Variants in TRIP12 observed in about 807,000 individuals in gnomAD.
The protein encoded by TRIP12 is thyroid hormone receptor interactor 12.
Under a neutral mutation model 244.2 loss-of-function variants are expected in TRIP12, and 25 were observed. That is an observed-to-expected ratio of 0.10 (90% confidence interval 0.07 to 0.14). The LOEUF (loss-of-function observed/expected upper bound fraction) is 0.14, where lower values mean the gene tolerates loss of function less well. TRIP12 is among the 10% of genes least tolerant of loss of function. The pLI, the probability that TRIP12 is intolerant of heterozygous loss-of-function variation, is 1.00. For missense variants in TRIP12, 1,677 were observed against 2,486.4 expected (o/e 0.67, Z 6.92); for synonymous variants, 905 against 873.1 (o/e 1.04, Z -0.64).
At chr2:229,882,727 C>T (rs2065137055) in intron 1 of TRIP12, among the ~76,000 whole-genome samples, 1 of 152,196 alleles carries the variant, frequency 6.6e-6, no homozygotes, top group African/African-American at 2.4e-5. Context: ...CCACCTTCTG[C>T]TATTAAACGC....
rs180905245 is a variant in TRIP12, at chr2:229,835,791, C to A, written c.1270+1057G>T. ...TTTCCACATTCAGGCTTCAAATAAA[C>A]ATTAGAAGACTGGGAAGGAGCGTAC... On this transcript the variant is annotated intron_variant, in intron 6 of 41. Coordinates refer to ENST00000675903, the MANE Select transcript of TRIP12 (RefSeq NM_001348323.3). Among the ~76,000 whole-genome samples the A allele has an allele frequency of 4.6e-4, 70 of 152,282 alleles. 1 individual carries two copies. The East Asian group carries it at 0.013, about 29-fold the overall frequency.
chr2:229,853,900 AACT>A (rs2059159999), intron 4 of TRIP12, among the ~76,000 whole-genome samples: 1 of 152,206 alleles, frequency 6.6e-6, no homozygotes, highest in South Asian at 2.1e-4. Flanking sequence ...AACCTCGCCA[AACT>A]ATGAGGAGAT....
intron 6 of TRIP12, among the ~76,000 whole-genome samples, chr2:229,833,200 C>A (rs1171546235): frequency 1.3e-5 from 2 of 152,208 alleles, no homozygotes; most frequent in African/African-American, 4.8e-5. Context: ...TTAATCAAAA[C>A]ATAAAACCTA....
At chr2:229,780,984 A>C (rs150413420) in intron 34 of TRIP12, among the ~76,000 whole-genome samples, 4 of 152,370 alleles carry the variant, frequency 2.6e-5, no homozygotes, top group African/African-American at 9.6e-5. Context: ...TCCTTTTGGC[A>C]TAACATTATC....
chr2:229,846,932 G>A lies in TRIP12; in HGVS notation c.1028-6005C>T, dbSNP rs962112672. Among the ~76,000 whole-genome samples, 20 of 152,220 alleles carry A rather than the reference G, an allele frequency of 1.3e-4. 1 individual carries two copies. Among genetic ancestry groups the A allele is most frequent in the Admixed American group, 8.5e-4 (13 of 15,284 alleles). ...ATGAGGAGAAACTAGAAAGGAGCTA[G>A]ATGCCCAATAACAGGGAATAGTTAA... On this transcript the variant is annotated intron_variant, in intron 4 of 41. Transcript: ENST00000675903.
rs758560253 is a variant in TRIP12, at chr2:229,788,848, T to C, written c.4788A>G (p.Val1596=). The stretch of plus-strand genomic sequence containing the variant: ...ATGTTGGGATGTTTCCTGTCATGAT[T>C]ACTAAAGGATCTTGAAGTTGCCTAT... ...KANRQLQDPL[V]IMTGNIPTWL... Residue 1596 remains valine (V), a synonymous_variant, in exon 32 of 42, where the codon GTA becomes GTG. Transcript: ENST00000675903. 1.9e-6 allele frequency: 3 copies of C among 1,614,108 alleles called. No individual in the cohort carries two copies. The South Asian group carries it at 3.3e-5, about 18-fold the overall frequency.
chr2:229,775,019 GACA>G (rs1407693145), intron 37 of TRIP12, among the ~76,000 whole-genome samples: 3 of 152,060 alleles, frequency 2.0e-5, no homozygotes, highest in African/African-American at 7.2e-5. Flanking sequence ...TAAAACTGAA[GACA>G]ACAAGTTAGG....
chr2:229,886,272 A>G (rs567368553), intron 1 of TRIP12, among the ~76,000 whole-genome samples: 41 of 152,310 alleles, frequency 2.7e-4, no homozygotes, highest in African/African-American at 9.9e-4. Flanking sequence ...TCACGTTTGA[A>G]TTAAGGGCAA....
chr2:229,903,145 T>C (rs2071564732), intron 1 of TRIP12, among the ~76,000 whole-genome samples: 1 of 151,534 alleles, frequency 6.6e-6, no homozygotes, highest in African/African-American at 2.4e-5. Flanking sequence ...AACACAACAG[T>C]ATCTTTTCTT....
Position 229,818,361 on chromosome 2 carries a change from T to C in TRIP12, c.1599+3A>G. ...AAAAACGAGGGAAAAACATTATGCTTACCAAAGCTGGAACAACACTCTTGA... is the reference window on the plus strand; with the variant it reads ...AAAAACGAGGGAAAAACATTATGCTCACCAAAGCTGGAACAACACTCTTGA... On this transcript the variant is annotated splice_donor_region_variant and intron_variant, in intron 9 of 41. Transcript: ENST00000675903. The C allele has an allele frequency of 6.2e-7, 1 of 1,613,410 alleles. No individual in the cohort carries two copies.
chr2:229,818,320 A>G, intron 9 of TRIP12, 44 bp downstream of exon 9: 1 of 1,596,874 alleles, frequency 6.3e-7, no homozygotes, highest in Non-Finnish European at 8.5e-7. Flanking sequence ...GGCAGATTTC[A>G]GAGGACAAAT....
intron 1 of TRIP12, among the ~76,000 whole-genome samples, chr2:229,880,773 G>A (rs761217677): frequency 2.0e-5 from 3 of 152,050 alleles, no homozygotes; most frequent in Admixed American, 6.6e-5. Flanking sequence ...ATGAAACCCC[G>A]TCTCTACTGA....
chr2:229,836,726 A>G, intron 6 of TRIP12, 122 bp downstream of exon 6: 1 of 1,211,010 alleles, frequency 8.3e-7, no homozygotes, highest in Non-Finnish European at 1.1e-6. Flanking sequence ...CAAACTGGTA[A>G]AGTAAAACAA....
chr2:229,917,967 C>G (rs1243738148), intron 1 of TRIP12, among the ~76,000 whole-genome samples: 2 of 152,106 alleles, frequency 1.3e-5, no homozygotes, highest in South Asian at 2.1e-4. Context: ...CTCACCCAGA[C>G]CAATCAGGTT....
chr2:229,768,560 C>T, intron 41 of TRIP12, 56 bp downstream of exon 41: 1 of 1,538,126 alleles, frequency 6.5e-7, no homozygotes, highest in South Asian at 1.2e-5. Context: ...TGAAGTTTCA[C>T]ACTCACAAAC....
chr2:229,778,430 T>C lies in TRIP12; in HGVS notation c.5364+3A>G. On this transcript the variant is annotated splice_donor_region_variant and intron_variant, in intron 36 of 41. Coordinates refer to ENST00000675903, the MANE Select transcript of TRIP12 (RefSeq NM_001348323.3). This position sits in a 1 kb window ranked among gnomAD's most constrained non-coding sequence, Gnocchi z 4.1. ...TGCAAAAAGCAAACCATCCTAAACT[T>C]ACCAATCTGAAATCCATGATAGCCT... 1 of 1,613,900 alleles carries C rather than the reference T, an allele frequency of 6.2e-7. No homozygotes were observed. Among genetic ancestry groups the C allele is most frequent in the Non-Finnish European group, 8.5e-7 (1 of 1,179,814 alleles).
At chr2:229,866,067 A>G (rs575283111) in intron 2 of TRIP12, among the ~76,000 whole-genome samples, 7 of 152,218 alleles carry the variant, frequency 4.6e-5, no homozygotes, top group Non-Finnish European at 1.0e-4. Context: ...TACAGAACAA[A>G]AAGACCCAAC....
At chr2:229,847,386 A>T (rs1313813042) in intron 4 of TRIP12, among the ~76,000 whole-genome samples, 1 of 152,202 alleles carries the variant, frequency 6.6e-6, no homozygotes, top group Non-Finnish European at 1.5e-5. Context: ...GTACAGCGAG[A>T]TCATACTTTT....
chr2:229,801,923 T>A (rs540605375), intron 21 of TRIP12, among the ~76,000 whole-genome samples: 15 of 152,326 alleles, frequency 9.8e-5, no homozygotes, highest in African/African-American at 3.4e-4. Context: ...CACAAGATTA[T>A]GAAATCAGAA....
Sources: allele counts gnomAD v4.1 joint callset (sites outside exome capture counted in the v4.1 genomes callset), GRCh38; gene constraint gnomAD v4.1.1; non-coding constraint Gnocchi (gnomAD v3.1); transcripts MANE v1.5; gene names NCBI Gene and HGNC (gene_info 2026-07-23, HGNC 2026-07-21).